NBEA: variants seen among roughly 807,000 people sequenced by gnomAD.
NBEA encodes the protein lysosomal-trafficking regulator 2.
Under a neutral mutation model 343.4 loss-of-function variants are expected in NBEA, and 44 were observed. That is an observed-to-expected ratio of 0.13 (90% confidence interval 0.10 to 0.16). The LOEUF (loss-of-function observed/expected upper bound fraction) is 0.16, where lower values mean the gene tolerates loss of function less well. Among genes scored for constraint, NBEA ranks in the 10% least tolerant of loss-of-function variants. NBEA has a pLI of 1.00. For synonymous variants in NBEA, 1,175 were observed against 1,238.7 expected (o/e 0.95, Z 1.08); for missense variants, 2,555 against 3,631.3 (o/e 0.70, Z 7.62).
At position 35,551,967 on chromosome 13, in the gene NBEA, G is replaced by A. The variant is rs569945427; in HGVS notation, c.6806+935G>A. The stretch of plus-strand genomic sequence containing the variant: ...AACAATCACTGCCAAAAAGGTGTGA[G>A]TTCTGTTGGCTTAGCCCAATCATTC... On this transcript the variant is annotated intron_variant, in intron 43 of 58. Transcript: ENST00000379939. Among the ~76,000 whole-genome samples, 15 of 152,312 alleles carry A rather than the reference G, an allele frequency of 9.8e-5. No homozygotes were observed. In the South Asian group the frequency reaches 2.5e-3, roughly 25 times the overall value.
rs796899889 is a variant in NBEA, at chr13:35,495,697, A to G, written c.6585+23161A>G. Among the ~76,000 whole-genome samples the G allele has an allele frequency of 9.9e-5, 15 of 152,186 alleles. 1 individual carries two copies. Among genetic ancestry groups the G allele is most frequent in the African/African-American group, 3.6e-4 (15 of 41,558 alleles). On this transcript the variant is annotated intron_variant, in intron 41 of 58. Coordinates refer to ENST00000379939, the MANE Select transcript of NBEA (RefSeq NM_001385012.1). ...ACACATCTGCAGAACACTCCCAAGAACAGCAAAATTTCTTAGTGCACATGG... is the reference window on the plus strand; with the variant it reads ...ACACATCTGCAGAACACTCCCAAGAGCAGCAAAATTTCTTAGTGCACATGG...
chr13:34,972,416 G>A (rs1462823829), intron 1 of NBEA, among the ~76,000 whole-genome samples: 2 of 152,052 alleles, frequency 1.3e-5, no homozygotes, highest in East Asian at 3.9e-4. Context: ...TAGTTGTGAT[G>A]TTAGGTTGTT....
chr13:35,360,247 C>T (rs2152873643), intron 38 of NBEA, among the ~76,000 whole-genome samples: 1 of 152,104 alleles, frequency 6.6e-6, no homozygotes, highest in African/African-American at 2.4e-5. Flanking sequence ...AGACTGAAGA[C>T]TTGCAAATCT....
rs115077929 is a variant in NBEA, at chr13:35,472,962, G to C, written c.6585+426G>C. ...AAGGAAACTGGGGGGAGAGCATTTA[G>C]ATATAAATTAATCTCCATTAGTACA... On this transcript the variant is annotated intron_variant, in intron 41 of 58. Coordinates refer to ENST00000379939, the MANE Select transcript of NBEA (RefSeq NM_001385012.1). Among the ~76,000 whole-genome samples, 709 of 152,216 alleles carry C rather than the reference G, an allele frequency of 4.7e-3. 4 individuals carry two copies. Among genetic ancestry groups the C allele is most frequent in the African/African-American group, 0.016 (660 of 41,546 alleles).
At chr13:35,436,098 G>T (rs2045420899) in intron 39 of NBEA, among the ~76,000 whole-genome samples, 1 of 151,562 alleles carries the variant, frequency 6.6e-6, no homozygotes. Flanking sequence ...AAAGAAAACA[G>T]ATTTCATATT....
intron 49 of NBEA, among the ~76,000 whole-genome samples, chr13:35,634,952 A>G (rs1162766385): frequency 1.3e-5 from 2 of 152,070 alleles, no homozygotes; most frequent in Non-Finnish European, 2.9e-5. Flanking sequence ...ATTCCTTGCT[A>G]CTACAGAGAA....
chr13:35,023,251 C>T (rs1048813704), intron 1 of NBEA, among the ~76,000 whole-genome samples: 1 of 151,972 alleles, frequency 6.6e-6, no homozygotes, highest in Non-Finnish European at 1.5e-5. Context: ...ACATTTTCCC[C>T]CAGATTTTAT....
At chr13:35,285,716 A>C (rs1366366346) in intron 34 of NBEA, among the ~76,000 whole-genome samples, 1 of 152,138 alleles carries the variant, frequency 6.6e-6, no homozygotes, top group African/African-American at 2.4e-5. Context: ...CTCTTTAGTT[A>C]CTAGCTTCTT....
chr13:35,164,908 T>A (rs542640775), intron 24 of NBEA, among the ~76,000 whole-genome samples: 1 of 152,336 alleles, frequency 6.6e-6, no homozygotes, highest in African/African-American at 2.4e-5. Context: ...TGAAATGTGT[T>A]AATATAATAC....
intron 41 of NBEA, among the ~76,000 whole-genome samples, chr13:35,505,584 C>T (rs2077045413): frequency 6.6e-6 from 1 of 152,126 alleles, no homozygotes; most frequent in Non-Finnish European, 1.5e-5. Flanking sequence ...AAGCTGAAGC[C>T]TGAAGCTATA....
chr13:35,499,676 T>G (rs909464197), intron 41 of NBEA, among the ~76,000 whole-genome samples: 1 of 152,130 alleles, frequency 6.6e-6, no homozygotes, highest in Non-Finnish European at 1.5e-5. Flanking sequence ...CTGCGTATCA[T>G]GCACCCGCTT....
chr13:35,272,380 G>A (rs1470389615), intron 34 of NBEA, among the ~76,000 whole-genome samples: 2 of 152,070 alleles, frequency 1.3e-5, no homozygotes, highest in Non-Finnish European at 2.9e-5. Flanking sequence ...AGGAACAACC[G>A]GTACCAGCCA....
At chr13:35,285,569 G>C (rs957938962) in intron 34 of NBEA, among the ~76,000 whole-genome samples, 2 of 152,080 alleles carry the variant, frequency 1.3e-5, no homozygotes, top group African/African-American at 2.4e-5. Context: ...ATCACACTCT[G>C]ATGGTTCCTT....
intron 49 of NBEA, among the ~76,000 whole-genome samples, chr13:35,632,912 T>A (rs182576745): frequency 1.3e-5 from 2 of 150,654 alleles, no homozygotes; most frequent in East Asian, 2.0e-4. Flanking sequence ...CTATTTTTAA[T>A]ACACATGTCA....
At chr13:35,337,791 G>T (rs953645495) in intron 36 of NBEA, among the ~76,000 whole-genome samples, 16 of 152,152 alleles carry the variant, frequency 1.1e-4, no homozygotes, top group African/African-American at 3.9e-4. Context: ...AACCACAATG[G>T]ATTGGAATTT....
Position 35,539,915 on chromosome 13 carries a change from C to CAAAAAAAAAAAAAAAAAA in NBEA, c.6586-10552_6586-10535dup, listed in dbSNP as rs71081262. Among the ~76,000 whole-genome samples, 22 of 39,612 alleles carry CAAAAAAAAAAAAAAAAAA rather than the reference C, an allele frequency of 5.6e-4. 4 individuals carry two copies. Among genetic ancestry groups the CAAAAAAAAAAAAAAAAAA allele is most frequent in the Non-Finnish European group, 6.9e-4 (15 of 21,852 alleles). The allele number at this position is 39,612 out of a possible 152,430, so 26.0% of individuals were successfully genotyped here. A position where few individuals can be genotyped will look rare whatever the true frequency, so the allele number is the denominator to read the frequency against. On this transcript the variant is annotated intron_variant, in intron 41 of 58. Coordinates refer to ENST00000379939, the MANE Select transcript of NBEA (RefSeq NM_001385012.1). Reference sequence around the variant, plus strand: ...TGGGCGACAGAGCAAGACTCCGTCTCAAAAAAAAAAAAAAAAAAAAAAAAA... The same window carrying CAAAAAAAAAAAAAAAAAA: ...TGGGCGACAGAGCAAGACTCCGTCTCAAAAAAAAAAAAAAAAAAAAAAAAAAAAAAAAAAAAAAAAAAA...
At chr13:35,072,663 G>A (rs1008947669) in intron 10 of NBEA, among the ~76,000 whole-genome samples, 7 of 152,060 alleles carry the variant, frequency 4.6e-5, no homozygotes, top group African/African-American at 1.7e-4. Context: ...CCAGATTCAA[G>A]CAATTCCCTT....
chr13:34,980,958 G>A (rs2060336630), intron 1 of NBEA, among the ~76,000 whole-genome samples: 2 of 152,016 alleles, frequency 1.3e-5, no homozygotes, highest in Admixed American at 6.6e-5. Flanking sequence ...AAATTCACGT[G>A]TTTTTAGCAT....
chr13:35,470,515 C>G (rs1269161495), intron 40 of NBEA, among the ~76,000 whole-genome samples: 2 of 152,138 alleles, frequency 1.3e-5, no homozygotes. Flanking sequence ...CTTGATAGTC[C>G]TCTGTCTTTA....
Sources: gnomAD v4.1 joint callset for allele counts (sites outside exome capture counted in the v4.1 genomes callset) on GRCh38, gnomAD v4.1.1 for gene constraint, MANE v1.5 for transcripts, NCBI Gene and HGNC (gene_info 2026-07-23, HGNC 2026-07-21) for gene names.